Variants in ENAM observed in about 807,000 individuals in gnomAD.
ENAM encodes amelogenesis imperfecta 2, hypocalcification (autosomal dominant).
ENAM carries 21 observed loss-of-function variants against 33.6 expected under a neutral mutation model. The observed-to-expected ratio is 0.63, with a 90% CI of 0.44 to 0.90. The LOEUF (loss-of-function observed/expected upper bound fraction) is 0.90. Among genes scored for constraint, ENAM ranks in the 40% least tolerant of loss-of-function variants. The probability of loss-of-function intolerance (pLI) is 0.00; values close to 1 mark genes in which losing one functional copy is unlikely to be tolerated. For missense variants in ENAM, 1,388 were observed against 1,366.9 expected (o/e 1.02, Z -0.24); for synonymous variants, 473 against 468.4 (o/e 1.01, Z -0.13).
At chr4:70,632,879 A>G (rs2109820180) in intron 5 of ENAM, among the ~76,000 whole-genome samples, 187 bp downstream of exon 5, 1 of 152,250 alleles carries the variant, frequency 6.6e-6, no homozygotes, top group East Asian at 1.9e-4. Context: ...CTTATTCATT[A>G]CTATTGTTCT....
Position 70,631,870 on chromosome 4 carries a change from G to A in ENAM, c.145G>A (p.Gly49Arg). The change falls in exon 4 of 9, where the codon GGA (glycine) becomes AGA (arginine). Residue 49 changes from glycine to arginine, a missense_variant. By Grantham distance (125) the Gly-to-Arg change is moderately radical. Coordinates refer to ENST00000396073, the MANE Select transcript of ENAM (RefSeq NM_031889.3). ...CCAGATGCACATGCCCCGAATGCCT[G>A]GATTTAGCAGTAAAAGTGAGGAGGT... ...AMPMHMPRMP[G>R]FSSKSEEMMR... is the part of the protein sequence containing the mutation. The A allele has an allele frequency of 1.2e-6, 2 of 1,614,024 alleles. No individual in the cohort carries two copies. Among genetic ancestry groups the A allele is most frequent in the Non-Finnish European group, 1.7e-6 (2 of 1,179,946 alleles).
Position 70,643,657 on chromosome 4 carries a change from G to A in ENAM, c.2231G>A (p.Arg744Lys). Residue 744 changes from arginine to lysine, a missense_variant, in exon 9 of 9, where the codon AGG becomes AAG. Arg to Lys is a conservative substitution (Grantham distance 26, BLOSUM62 2). Coordinates refer to ENST00000396073, the MANE Select transcript of ENAM (RefSeq NM_031889.3). ...ASTMPPPIES[R>K]GYYVNNAAGP... ...ACTATGCCACCACCTATAGAGAGCA[G>A]GGGCTACTACGTTAATAATGCCGCT... 6.2e-7 allele frequency: 1 copy of A among 1,614,134 alleles called. No homozygotes were observed.
chr4:70,638,608 A>G (rs1738520578), intron 8 of ENAM, among the ~76,000 whole-genome samples: 1 of 150,460 alleles, frequency 6.6e-6, no homozygotes, highest in Admixed American at 6.6e-5. Context: ...CTGCTCTAAG[A>G]GGTCCCTTTC....
chr4:70,630,653 T>A (rs1738288486), intron 2 of ENAM, among the ~76,000 whole-genome samples: 1 of 152,138 alleles, frequency 6.6e-6, no homozygotes, highest in Non-Finnish European at 1.5e-5. Flanking sequence ...AGTCTATATG[T>A]TTAATCAAGG....
At chr4:70,641,491 G>A (rs560617947) in intron 8 of ENAM, among the ~76,000 whole-genome samples, 19 of 151,330 alleles carry the variant, frequency 1.3e-4, no homozygotes, top group African/African-American at 4.6e-4. Flanking sequence ...GGGTTCAGGC[G>A]ATTCTCCTGC....
chr4:70,629,176 T>G (rs534118559), intron 1 of ENAM, among the ~76,000 whole-genome samples: 96 of 152,264 alleles, frequency 6.3e-4, no homozygotes, highest in African/African-American at 2.3e-3. Context: ...TTAGACCTCC[T>G]TTACTACTGT....
At chr4:70,638,391 G>A (rs1343047621) in intron 8 of ENAM, among the ~76,000 whole-genome samples, 1 of 148,366 alleles carries the variant, frequency 6.7e-6, no homozygotes, top group African/African-American at 2.5e-5. Flanking sequence ...TATGTGATAT[G>A]TCCTCAGTGA....
At chr4:70,633,237 T>C (rs1276046136) in intron 5 of ENAM, among the ~76,000 whole-genome samples, 2 of 152,158 alleles carry the variant, frequency 1.3e-5, no homozygotes, top group African/African-American at 4.8e-5. Context: ...CACATCACTT[T>C]TGATTTCCAT....
chr4:70,638,449 C>CTTT (rs766513652), intron 8 of ENAM, among the ~76,000 whole-genome samples: 721 of 58,890 alleles, frequency 0.012, 181 homozygotes, highest in African/African-American at 0.054. Flanking sequence ...ACAGATTGTT[C>CTTT]TTTTTTTTTT....
Position 70,644,237 on chromosome 4 carries a change from G to A in ENAM, c.2811G>A (p.Glu937=), listed in dbSNP as rs1738695338. 1.9e-6 allele frequency: 3 copies of A among 1,614,214 alleles called. No homozygotes were observed. The highest frequency in any genetic ancestry group is 2.7e-5 in the African/African-American group (2 of 75,050). The change falls in exon 9 of 9, where the codon GAG becomes GAA. Residue 937 remains glutamate (E), a synonymous_variant. Transcript: ENST00000396073. ...TACCAGGCCAAAGAAACAGCTCAGA[G>A]AAGAGGGAAAGCCAAAACCCTTTTA... is the stretch of plus-strand genomic sequence containing the variant. ...SILPGQRNSS[E]KRESQNPFRD... is the part of the protein sequence containing the mutation.
At position 70,644,759 on chromosome 4, in the gene ENAM, C is replaced by A. The variant is rs1347236037; in HGVS notation, c.3333C>A (p.Asp1111Glu). The change falls in exon 9 of 9, where the codon GAC becomes GAA. Residue 1111 changes from aspartate (D) to glutamate (E), a missense_variant. By Grantham distance (45) the Asp-to-Glu change is conservative. Transcript: ENST00000396073. Reference protein sequence around the residue: ...TEEQFKSINVDPLDADEHSPF... With the variant: ...TEEQFKSINVEPLDADEHSPF... Reference sequence around the variant, plus strand: ...AACAATTTAAGAGTATAAATGTAGACCCACTTGATGCAGATGAACACAGTC... The same window carrying A: ...AACAATTTAAGAGTATAAATGTAGAACCACTTGATGCAGATGAACACAGTC... 1.9e-6 allele frequency: 3 copies of A among 1,613,878 alleles called. No homozygotes were observed. The highest frequency in any genetic ancestry group is 1.1e-5 in the South Asian group (1 of 91,066).
At position 70,645,258 on chromosome 4, in the gene ENAM, T is replaced by C. The variant is rs1037028992; in HGVS notation, c.*403T>C. The C allele has an allele frequency of 3.2e-6, 1 of 313,126 alleles. No individual in the cohort carries two copies. Among genetic ancestry groups the C allele is most frequent in the Non-Finnish European group, 6.0e-6 (1 of 167,282 alleles). The allele number at this position is 313,126 out of a possible 1,614,324, so 19.4% of individuals were successfully genotyped here. ...ACTTATGGAGATCCACACATCAGTA[T>C]AGTCCTGATGCACTGTACGTTTTTT... On this transcript the variant is annotated 3_prime_UTR_variant, in exon 9 of 9. Transcript: ENST00000396073.
intron 3 of ENAM, 43 bp downstream of exon 3, chr4:70,631,781 T>TA (rs746269302): frequency 6.3e-7 from 1 of 1,597,860 alleles, no homozygotes; most frequent in South Asian, 1.1e-5. Context: ...TGTGTTCCGT[T>TA]AGGAACAATT....
Position 70,632,517 on chromosome 4 carries a change from C to T in ENAM, c.169-134C>T, listed in dbSNP as rs1738350475. 1.0e-5 allele frequency: 8 copies of T among 768,196 alleles called. No individual in the cohort carries two copies. In the Admixed American group the frequency reaches 1.4e-4, roughly 13 times the overall value. The allele number at this position is 768,196 out of a possible 1,614,324, so 47.6% of individuals were successfully genotyped here. ...AGGAAAAGGTGATATGACTGTTGTG[C>T]ATTAAAATCAGAAATTTTTACACTG... On this transcript the variant is annotated intron_variant, in intron 4 of 8. Coordinates refer to ENST00000396073, the MANE Select transcript of ENAM (RefSeq NM_031889.3).
At chr4:70,636,418 G>T (rs1193100137) in intron 7 of ENAM, among the ~76,000 whole-genome samples, 1 of 152,026 alleles carries the variant, frequency 6.6e-6, no homozygotes, top group Non-Finnish European at 1.5e-5. Flanking sequence ...GTGATCACTT[G>T]AGGTCAGGAG....
At chr4:70,639,073 A>G (rs1738534958) in intron 8 of ENAM, among the ~76,000 whole-genome samples, 2 of 152,114 alleles carry the variant, frequency 1.3e-5, no homozygotes, top group African/African-American at 4.8e-5. Context: ...CTGGGATTAC[A>G]GGCATGAGCC....
chr4:70,642,509 G>T lies in ENAM; in HGVS notation c.1083G>T (p.Trp361Cys). Reference protein sequence around the residue: ...RNQQVQRGPRWNFFAWERKQV... With the variant: ...RNQQVQRGPRCNFFAWERKQV... ...AACAAGTTCAAAGGGGTCCTCGGTG[G>T]AACTTCTTTGCTTGGGAACGTAAAC... The change falls in exon 9 of 9, where the codon TGG (tryptophan) becomes TGT (cysteine). Residue 361 changes from tryptophan (W) to cysteine (C), a missense_variant. Physicochemically the swap from Trp to Cys is radical, Grantham distance 215 (BLOSUM62 -2). Coordinates refer to ENST00000396073, the MANE Select transcript of ENAM (RefSeq NM_031889.3). 6.2e-7 allele frequency: 1 copy of T among 1,614,086 alleles called. No homozygotes were observed. Among genetic ancestry groups the T allele is most frequent in the Non-Finnish European group, 8.5e-7 (1 of 1,180,014 alleles).
Position 70,642,416 on chromosome 4 carries a change from A to G in ENAM, c.990A>G (p.Ser330=), listed in dbSNP as rs376895326. 6.8e-6 allele frequency: 11 copies of G among 1,614,074 alleles called. No individual in the cohort carries two copies. In the African/African-American group the frequency reaches 1.3e-4, roughly 20 times the overall value. Residue 330 remains serine (S), a synonymous_variant, in exon 9 of 9, where the codon TCA becomes TCG. Transcript: ENST00000396073. ...HPYPNIRNFP[S]GRQWYFTGTV... ...ATCCTAATATAAGAAATTTTCCTTC[A>G]GGAAGACAGTGGTATTTCACTGGTA...
chr4:70,631,958 G>A, intron 4 of ENAM, 65 bp downstream of exon 4: 2 of 1,324,854 alleles, frequency 1.5e-6, no homozygotes, highest in Non-Finnish European at 2.2e-6. Context: ...TACTAAAAAG[G>A]AGAATATTGG....
Sources: allele counts gnomAD v4.1 joint callset (sites outside exome capture counted in the v4.1 genomes callset), GRCh38; gene constraint gnomAD v4.1.1; transcripts MANE v1.5; gene names NCBI Gene and HGNC (gene_info 2026-07-23, HGNC 2026-07-21).